The following CTNNA2 variants were observed in gnomAD, a reference collection of about 807,000 sequenced individuals.
CTNNA2 encodes the protein catenin alpha-2.
Under a neutral mutation model 101.0 loss-of-function variants are expected in CTNNA2, and 42 were observed. The ratio of observed to expected loss-of-function variants is 0.42; its 90% CI spans 0.32 to 0.54. The LOEUF (loss-of-function observed/expected upper bound fraction) is 0.54, where lower values mean the gene tolerates loss of function less well. Among genes scored for constraint, CTNNA2 ranks in the 20% least tolerant of loss-of-function variants. CTNNA2 has a pLI of 0.14. For missense variants in CTNNA2, 871 were observed against 1,223.1 expected (o/e 0.71, Z 4.29); for synonymous variants, 450 against 456.4 (o/e 0.99, Z 0.18).
At chr2:80,565,309 G>A (rs1017302991) in intron 12 of CTNNA2, among the ~76,000 whole-genome samples, 3 of 152,090 alleles carry the variant, frequency 2.0e-5, no homozygotes, top group Non-Finnish European at 4.4e-5. Context: ...CAAAGTTCTA[G>A]GAGCAAGTTT....
chr2:79,754,172 A>G (rs1263247628), intron 3 of CTNNA2, among the ~76,000 whole-genome samples: 1 of 151,994 alleles, frequency 6.6e-6, no homozygotes, highest in Non-Finnish European at 1.5e-5. Context: ...TGGCCTCACT[A>G]TTTCATTTTT....
intron 7 of CTNNA2, among the ~76,000 whole-genome samples, chr2:80,108,933 T>C (rs1482060189): frequency 1.3e-5 from 2 of 152,180 alleles, no homozygotes; most frequent in Admixed American, 6.5e-5. Context: ...GTTATTTGCT[T>C]AGCAAATGGC....
intron 7 of CTNNA2, among the ~76,000 whole-genome samples, chr2:80,008,661 T>C (rs1427524122): frequency 6.6e-6 from 1 of 152,200 alleles, no homozygotes. Flanking sequence ...TGGGTTTGTA[T>C]CCTAGCCCTG....
intron 7 of CTNNA2, among the ~76,000 whole-genome samples, chr2:80,248,200 C>T (rs1259540564): frequency 6.6e-6 from 1 of 152,048 alleles, no homozygotes; most frequent in Non-Finnish European, 1.5e-5. Context: ...TTATGCCTGG[C>T]CTACTGAGCA....
intron 3 of CTNNA2, among the ~76,000 whole-genome samples, chr2:79,372,481 C>G (rs1312180068): frequency 6.6e-6 from 1 of 152,044 alleles, no homozygotes; most frequent in Admixed American, 6.6e-5. Flanking sequence ...CCATTGAAAG[C>G]CAGGCATGTA....
At chr2:79,829,414 C>CACACACAG (rs1193420009) in intron 3 of CTNNA2, among the ~76,000 whole-genome samples, 54 of 120,844 alleles carry the variant, frequency 4.5e-4, no homozygotes, top group East Asian at 3.9e-3. Context: ...CACACACACA[C>CACACACAG]AGACACAAAG....
At chr2:79,307,671 C>T (rs1359456777) in intron 2 of CTNNA2, among the ~76,000 whole-genome samples, 1 of 152,146 alleles carries the variant, frequency 6.6e-6, no homozygotes, top group Non-Finnish European at 1.5e-5. Flanking sequence ...AATTAGGCTG[C>T]AATAAGCATG....
chr2:79,599,816 C>T (rs1677434386), intron 1 of CTNNA2, among the ~76,000 whole-genome samples: 2 of 152,116 alleles, frequency 1.3e-5, no homozygotes, highest in South Asian at 2.1e-4. Context: ...CTTTGCCATT[C>T]GTACTTTGAC....
chr2:80,550,385 G>A (rs911319448), intron 11 of CTNNA2, among the ~76,000 whole-genome samples: 2 of 152,152 alleles, frequency 1.3e-5, no homozygotes, highest in Admixed American at 6.5e-5. Flanking sequence ...TGGCGTGGCT[G>A]TGGCAATTTC....
chr2:79,840,210 T>C (rs1679695735), intron 3 of CTNNA2, among the ~76,000 whole-genome samples: 1 of 152,258 alleles, frequency 6.6e-6, no homozygotes, highest in Non-Finnish European at 1.5e-5. Flanking sequence ...CATTTGTCTT[T>C]GCCACAGGGC....
chr2:80,007,840 T>C (rs1693484053), intron 7 of CTNNA2, among the ~76,000 whole-genome samples: 1 of 152,080 alleles, frequency 6.6e-6, no homozygotes, highest in Non-Finnish European at 1.5e-5. Context: ...GTGAGGACAG[T>C]GAGAGGACCA....
At chr2:80,254,801 T>A (rs963892240) in intron 7 of CTNNA2, among the ~76,000 whole-genome samples, 2 of 152,178 alleles carry the variant, frequency 1.3e-5, no homozygotes, top group African/African-American at 4.8e-5. Flanking sequence ...TTACTAAGTT[T>A]GAGGAAATTC....
chr2:80,616,300 T>C (rs915564435), intron 17 of CTNNA2: 3 of 151,718 alleles, frequency 2.0e-5, no homozygotes, highest in Non-Finnish European at 4.4e-5. Context: ...AAAACATCTC[T>C]TTATCCGAGA....
intron 7 of CTNNA2, among the ~76,000 whole-genome samples, chr2:80,015,840 A>G (rs1005362524): frequency 1.6e-4 from 25 of 152,304 alleles, no homozygotes; most frequent in African/African-American, 5.3e-4. Flanking sequence ...TTTCATACCC[A>G]TTTCCTGATA....
intron 4 of CTNNA2, among the ~76,000 whole-genome samples, chr2:79,383,407 A>G (rs907337279): frequency 6.6e-6 from 1 of 152,160 alleles, no homozygotes; most frequent in Non-Finnish European, 1.5e-5. Flanking sequence ...ATGGATAGAG[A>G]AAAGTGTGTG....
intron 4 of CTNNA2, among the ~76,000 whole-genome samples, chr2:79,462,758 G>A (rs76250254): frequency 0.021 from 3,173 of 152,264 alleles, 104 homozygotes; most frequent in African/African-American, 0.071. Flanking sequence ...CTCAATAAAC[G>A]TATTGGTTGC....
intron 2 of CTNNA2, among the ~76,000 whole-genome samples, chr2:79,200,106 A>G (rs1674013473): frequency 6.6e-6 from 1 of 152,152 alleles, no homozygotes; most frequent in South Asian, 2.1e-4. Context: ...AAGGTATCAG[A>G]TTAAGAAAGT....
At chr2:79,400,570 A>G (rs1194382265) in intron 4 of CTNNA2, among the ~76,000 whole-genome samples, 2 of 152,040 alleles carry the variant, frequency 1.3e-5, no homozygotes, top group Non-Finnish European at 2.9e-5. Flanking sequence ...GTTAACTTGA[A>G]GAAAAATCAA....
chr2:79,695,522 T>C lies in CTNNA2; in HGVS notation c.102+43864T>C, dbSNP rs138245382. 1.9e-3 allele frequency among the ~76,000 whole-genome samples: 289 copies of C among 152,138 alleles called. 2 individuals are homozygous for C. Among genetic ancestry groups the C allele is most frequent in the African/African-American group, 6.7e-3 (278 of 41,540 alleles). On this transcript the variant is annotated intron_variant, in intron 2 of 18. Coordinates refer to ENST00000402739, the MANE Select transcript of CTNNA2 (RefSeq NM_001282597.3). ...GAAAGGAGAAAATGCACATGAGCAA[T>C]TCAGCTTTAAGCCTCTCCATGGGTC...
Sources: allele counts gnomAD v4.1 joint callset (sites outside exome capture counted in the v4.1 genomes callset), GRCh38; gene constraint gnomAD v4.1.1; transcripts MANE v1.5; gene names NCBI Gene and HGNC (gene_info 2026-07-23, HGNC 2026-07-21).